PARP9: variants seen among roughly 807,000 people sequenced by gnomAD.
The protein encoded by PARP9 is protein mono-ADP-ribosyltransferase PARP9.
Under a neutral mutation model 68.8 loss-of-function variants are expected in PARP9, and 48 were observed. That is an observed-to-expected ratio of 0.70 (90% CI 0.55 to 0.89). The LOEUF (loss-of-function observed/expected upper bound fraction) is 0.89. Among genes scored for constraint, PARP9 ranks in the 40% least tolerant of loss-of-function variants. PARP9 has a pLI of 0.00. For missense variants in PARP9, 806 were observed against 969.3 expected, an observed-to-expected ratio of 0.83 and a Z score of 2.24; for synonymous variants, 309 against 333.8, an observed-to-expected ratio of 0.93 and a Z score of 0.81.
In PARP9 at chr3:122,528,358, T is replaced by C; in HGVS notation, c.*6A>G. 1 of 1,608,870 alleles carries C rather than the reference T, an allele frequency of 6.2e-7. No individual in the cohort carries two copies. Among genetic ancestry groups the C allele is most frequent in the Non-Finnish European group, 8.5e-7 (1 of 1,176,928 alleles). ...GGCCATACCAGCTGTTAAAATGATG[T>C]AGAGATTAATCAACAGGGCTGCCAC... On this transcript the variant is annotated 3_prime_UTR_variant, in exon 11 of 11. Coordinates refer to ENST00000682323, the MANE Select transcript of PARP9 (RefSeq NM_001146105.2).
At chr3:122,557,007 T>A (rs1330031584) in intron 3 of PARP9, among the ~76,000 whole-genome samples, 1 of 152,120 alleles carries the variant, frequency 6.6e-6, no homozygotes, top group African/African-American at 2.4e-5. Flanking sequence ...ATTTCCGTAT[T>A]TTTTTCTGTA....
At position 122,527,947 on chromosome 3, in the gene PARP9, T is replaced by G. The variant is rs1465967984; in HGVS notation, c.*417A>C. On this transcript the variant is annotated 3_prime_UTR_variant, in exon 11 of 11. Coordinates refer to ENST00000682323, the MANE Select transcript of PARP9 (RefSeq NM_001146105.2). ...AGTTAATCAGACAAAGATGATTTAT[T>G]TTCATACCTAAAGCACTTTATAATA... The G allele has an allele frequency of 6.5e-6, 1 of 153,108 alleles. No individual in the cohort carries two copies. Among genetic ancestry groups the G allele is most frequent in the East Asian group, 1.9e-4 (1 of 5,212 alleles). 9.5% of individuals were successfully genotyped at this position (153,108 alleles called of 1,614,324 possible). A position where few individuals can be genotyped will look rare whatever the true frequency, so the allele number is the denominator to read the frequency against.
At position 122,528,237 on chromosome 3, in the gene PARP9, A is replaced by G; in HGVS notation, c.*127T>C. The G allele has an allele frequency of 7.9e-7, 1 of 1,267,602 alleles. No homozygotes were observed. The highest frequency in any genetic ancestry group is 1.5e-5 in the South Asian group (1 of 67,392). The allele number at this position is 1,267,602 out of a possible 1,614,324, so 78.5% of individuals were successfully genotyped here. A position where few individuals can be genotyped will look rare whatever the true frequency, so the allele number is the denominator to read the frequency against. The stretch of plus-strand genomic sequence containing the variant: ...TGCTAGTATGTGGCTAGTCCTTTCA[A>G]TAACCCAGTCAGTCCATACAGATAA... On this transcript the variant is annotated 3_prime_UTR_variant, in exon 11 of 11. Coordinates refer to ENST00000682323, the MANE Select transcript of PARP9 (RefSeq NM_001146105.2).
At chr3:122,536,906 G>T in intron 9 of PARP9, 28 bp downstream of exon 9, 1 of 1,587,220 alleles carries the variant, frequency 6.3e-7, no homozygotes, top group Non-Finnish European at 8.5e-7. Context: ...AACAAAATGA[G>T]CCAAATCTTC....
intron 7 of PARP9, among the ~76,000 whole-genome samples, chr3:122,542,968 A>T (rs1014950380): frequency 6.7e-6 from 1 of 150,064 alleles, no homozygotes; most frequent in Non-Finnish European, 1.5e-5. Flanking sequence ...GTGCAGTGGC[A>T]CAATCTCAGC....
At chr3:122,560,789 A>G (rs922751982) in intron 1 of PARP9, among the ~76,000 whole-genome samples, 5 of 152,202 alleles carry the variant, frequency 3.3e-5, no homozygotes, top group African/African-American at 1.2e-4. Context: ...GTCTAGTACA[A>G]TCCTTTGCAT....
At chr3:122,528,800 C>A (rs922500534) in intron 10 of PARP9, 57 bp from the exon 11 acceptor site, 9 of 1,408,548 alleles carry the variant, frequency 6.4e-6, no homozygotes, top group Non-Finnish European at 8.6e-6. Flanking sequence ...ATGATATTGC[C>A]GATTTGGGTA....
chr3:122,544,277 C>T (rs1304006996), intron 7 of PARP9, among the ~76,000 whole-genome samples: 2 of 152,182 alleles, frequency 1.3e-5, no homozygotes, highest in Non-Finnish European at 2.9e-5. Flanking sequence ...CCCTTTCTCC[C>T]CTTAGCTAAC....
intron 8 of PARP9, among the ~76,000 whole-genome samples, chr3:122,538,581 G>C (rs939327494): frequency 6.6e-6 from 1 of 151,938 alleles, no homozygotes; most frequent in Non-Finnish European, 1.5e-5. Flanking sequence ...GGCAGAGCAA[G>C]AGACTTATAT....
At chr3:122,551,318 A>G (rs2079183452) in intron 5 of PARP9, among the ~76,000 whole-genome samples, 1 of 152,146 alleles carries the variant, frequency 6.6e-6, no homozygotes. Flanking sequence ...CCATGGAAGG[A>G]CTTTGGAAAA....
At chr3:122,554,077 C>T (rs1241103606) in intron 4 of PARP9, among the ~76,000 whole-genome samples, 1 of 152,190 alleles carries the variant, frequency 6.6e-6, no homozygotes, top group Non-Finnish European at 1.5e-5. Flanking sequence ...TCCACAGCCC[C>T]TGGCAGAGTT....
At chr3:122,530,082 T>TG (rs1283077048) in intron 10 of PARP9, among the ~76,000 whole-genome samples, 1 of 137,250 alleles carries the variant, frequency 7.3e-6, no homozygotes, top group Admixed American at 7.8e-5. Flanking sequence ...GAGGCTGAGG[T>TG]GGGAGGACTG....
At chr3:122,547,011 T>TATATATAC (rs2078769833) in intron 6 of PARP9, among the ~76,000 whole-genome samples, 1 of 81,862 alleles carries the variant, frequency 1.2e-5, no homozygotes, top group Non-Finnish European at 2.5e-5. Context: ...TATATATATA[T>TATATATAC]ATACACACAC....
chr3:122,529,790 A>C (rs934258669), intron 10 of PARP9, among the ~76,000 whole-genome samples: 3 of 151,622 alleles, frequency 2.0e-5, no homozygotes, highest in Non-Finnish European at 4.4e-5. Context: ...TCTGACTTCT[A>C]CATGCTACAA....
chr3:122,540,899 T>C, intron 7 of PARP9, 47 bp from the exon 8 acceptor site: 1 of 1,437,850 alleles, frequency 7.0e-7, no homozygotes, highest in Non-Finnish European at 9.2e-7. Context: ...CAGTTTTTTG[T>C]TTTTTTTTTG....
At chr3:122,545,729 G>T (rs2078654090) in intron 6 of PARP9, 1 of 521,012 alleles carries the variant, frequency 1.9e-6, no homozygotes, top group South Asian at 2.8e-5. Flanking sequence ...TATAAATAAA[G>T]AAGACTATAC....
chr3:122,547,073 C>T (rs1243353079), intron 6 of PARP9, among the ~76,000 whole-genome samples: 3 of 124,002 alleles, frequency 2.4e-5, no homozygotes, highest in East Asian at 2.2e-4. Flanking sequence ...TACATATATA[C>T]ACACACACAC....
chr3:122,536,990 G>A lies in PARP9; in HGVS notation c.1849C>T (p.Gln617Ter), dbSNP rs1193491679. The A allele has an allele frequency of 6.2e-7, 1 of 1,613,942 alleles. No individual in the cohort carries two copies. The highest frequency in any genetic ancestry group is 1.1e-5 in the South Asian group (1 of 91,036). ...IFLKCPVPPT[Q>*]ELLDQKKQFE... Reference sequence around the variant, plus strand: ...TGTTTCTTTTGATCTAGAAGCTCTTGAGTTGGAGGCACAGGACATTTCAGA... The same window carrying A: ...TGTTTCTTTTGATCTAGAAGCTCTTAAGTTGGAGGCACAGGACATTTCAGA... The change falls in exon 9 of 11, where the codon CAA becomes TAA. Residue 617 changes from glutamine (Q) to a stop codon, truncating the protein, a stop_gained. Transcript: ENST00000682323. LOFTEE classifies it high-confidence loss of function.
intron 10 of PARP9, chr3:122,535,746 A>G (rs2077587501): frequency 3.0e-6 from 3 of 1,003,070 alleles, no homozygotes; most frequent in Non-Finnish European, 3.6e-6. Context: ...ATGAAAGAGA[A>G]AAGACCAACT....
Sources: allele counts gnomAD v4.1 joint callset (sites outside exome capture counted in the v4.1 genomes callset), GRCh38; gene constraint gnomAD v4.1.1; transcripts MANE v1.5; gene names NCBI Gene and HGNC (gene_info 2026-07-23, HGNC 2026-07-21).